GALNT6: variants seen among roughly 807,000 people sequenced by gnomAD.
The protein encoded by GALNT6 is polypeptide N-acetylgalactosaminyltransferase 6, also known as GalNAc transferase 6.
A neutral mutation model predicts 65.9 loss-of-function variants in GALNT6; 51 were observed. The ratio of observed to expected loss-of-function variants is 0.77; its 90% CI spans 0.62 to 0.98. The LOEUF (loss-of-function observed/expected upper bound fraction) is 0.98, where lower values mean the gene tolerates loss of function less well. Among genes scored for constraint, GALNT6 ranks in the 50% least tolerant of loss-of-function variants. GALNT6 has a pLI of 0.00. For synonymous variants in GALNT6, 323 were observed against 315.1 expected (o/e 1.02, Z -0.26); for missense variants, 708 against 803.3 (o/e 0.88, Z 1.43).
chr12:51,372,977 T>C (rs991171972), intron 4 of GALNT6, among the ~76,000 whole-genome samples: 1 of 152,230 alleles, frequency 6.6e-6, no homozygotes, highest in Non-Finnish European at 1.5e-5. Flanking sequence ...AGCCCCTCTG[T>C]TTTGGCTAAT....
In GALNT6 at chr12:51,365,558, T is replaced by G; in HGVS notation, c.686A>C (p.Glu229Ala). The G allele has an allele frequency of 6.2e-7, 1 of 1,613,714 alleles. No individual in the cohort carries two copies. ...CACCTGCAGCTGCTTCACGTACTGCTCCAGCTTCTCCTTTAGGTGCTCTGG... is the reference window on the plus strand; with the variant it reads ...CACCTGCAGCTGCTTCACGTACTGCGCCAGCTTCTCCTTTAGGTGCTCTGG... ...STEEHLKEKL[E>A]QYVKQLQVVR... is the part of the protein sequence containing the mutation. Residue 229 changes from glutamate to alanine, a missense_variant, in exon 5 of 12, where the codon GAG becomes GCG. Transcript: ENST00000356317.
intron 2 of GALNT6, among the ~76,000 whole-genome samples, chr12:51,390,089 T>C (rs960864887): frequency 2.0e-5 from 3 of 152,002 alleles, no homozygotes; most frequent in African/African-American, 7.2e-5. Context: ...GCTAGGGAAA[T>C]GCCTGCAATG....
chr12:51,354,752 T>G (rs1363926822), intron 11 of GALNT6, among the ~76,000 whole-genome samples: 1 of 151,908 alleles, frequency 6.6e-6, no homozygotes, highest in African/African-American at 2.4e-5. Flanking sequence ...GAGAGAAAAA[T>G]GCTTTCAGGG....
At chr12:51,380,803 A>G (rs1478772727) in intron 2 of GALNT6, among the ~76,000 whole-genome samples, 19 of 152,234 alleles carry the variant, frequency 1.2e-4, no homozygotes, top group Admixed American at 1.0e-3. Flanking sequence ...CACGAAAAAA[A>G]GAAAGCTAAA....
At chr12:51,373,898 T>G (rs1947368538) in intron 4 of GALNT6, among the ~76,000 whole-genome samples, 1 of 152,214 alleles carries the variant, frequency 6.6e-6, no homozygotes, top group Non-Finnish European at 1.5e-5. Context: ...CTCACTCTAT[T>G]GCCTAGGCTG....
At chr12:51,375,261 T>C (rs911035361) in intron 4 of GALNT6, among the ~76,000 whole-genome samples, 7 of 152,202 alleles carry the variant, frequency 4.6e-5, no homozygotes, top group African/African-American at 1.7e-4. Flanking sequence ...TTCATGTCTT[T>C]AGGACTGTGC....
At chr12:51,377,948 C>G (rs895224038) in intron 3 of GALNT6, among the ~76,000 whole-genome samples, 2 of 152,232 alleles carry the variant, frequency 1.3e-5, no homozygotes, top group African/African-American at 2.4e-5. Flanking sequence ...TCCACTCCAG[C>G]TACTCTGTGG....
At chr12:51,376,633 CAA>C (rs35109462) in intron 4 of GALNT6, among the ~76,000 whole-genome samples, 235 of 83,958 alleles carry the variant, frequency 2.8e-3, no homozygotes, top group Middle Eastern at 0.011. Context: ...AACTCCATCT[CAA>C]AAAAAAAAAA....
In GALNT6 at chr12:51,382,933, T is replaced by C. The variant is rs771999050; in HGVS notation, c.-103-3049A>G. Among the ~76,000 whole-genome samples the C allele has an allele frequency of 5.3e-5, 8 of 152,110 alleles. No individual in the cohort carries two copies. The South Asian group carries it at 6.2e-4, about 12-fold the overall frequency. On this transcript the variant is annotated intron_variant, in intron 2 of 11. Coordinates refer to ENST00000356317, the MANE Select transcript of GALNT6 (RefSeq NM_007210.4). ...TTCCCCAAGGGATTTGAAAATCTTA[T>C]TGGAGAACGAGAACTGATAGCACTG...
rs768634031 is a variant in GALNT6 at position 51,359,224 on chromosome 12, G to A, written c.1276C>T (p.Arg426Cys). The A allele has an allele frequency of 7.4e-6, 12 of 1,613,988 alleles. No homozygotes were observed. The highest frequency in any genetic ancestry group is 2.2e-5 in the South Asian group (2 of 91,082). ...TFPKGTSVIA[R>C]NQVRLAEVWM... The stretch of plus-strand genomic sequence containing the variant: ...ACCTCTGCCAGGCGCACTTGATTGC[G>A]AGCAATGACACTAGTGCCCTTGGGG... Residue 426 changes from arginine to cysteine, a missense_variant, in exon 8 of 12, where the codon CGC (arginine) becomes TGC (cysteine). Arg to Cys is a radical substitution (Grantham distance 180, BLOSUM62 -3). Coordinates refer to ENST00000356317, the MANE Select transcript of GALNT6 (RefSeq NM_007210.4).
intron 4 of GALNT6, among the ~76,000 whole-genome samples, chr12:51,373,320 G>A (rs1479856689): frequency 6.6e-6 from 1 of 152,150 alleles, no homozygotes; most frequent in East Asian, 1.9e-4. Context: ...GGGACCCAGT[G>A]GGAGATAATT....
chr12:51,358,300 A>ATT, intron 8 of GALNT6, 39 bp from the exon 9 acceptor site: 3 of 1,510,800 alleles, frequency 2.0e-6, no homozygotes, highest in Non-Finnish European at 2.7e-6. Context: ...CAGTTCCACC[A>ATT]GTTTTTTTTT....
At chr12:51,355,287 A>C (rs1296557861) in intron 11 of GALNT6, among the ~76,000 whole-genome samples, 2 of 152,110 alleles carry the variant, frequency 1.3e-5, no homozygotes, top group African/African-American at 4.8e-5. Context: ...GCTAGCCACG[A>C]ACCATAACCT....
intron 3 of GALNT6, among the ~76,000 whole-genome samples, chr12:51,378,196 T>C (rs1947525376): frequency 6.6e-6 from 1 of 152,072 alleles, no homozygotes; most frequent in Non-Finnish European, 1.5e-5. Context: ...GCTCTGTCAC[T>C]CAGGCTGGAG....
In GALNT6 at chr12:51,353,364, CTTTTT is replaced by C. The variant is rs56716510; in HGVS notation, c.*1010_*1014del. On this transcript the variant is annotated 3_prime_UTR_variant, in exon 12 of 12. Transcript: ENST00000356317. Reference sequence around the variant, plus strand: ...CCTCTGATCTGTCTGTTAGAATATACTTTTTTTTTTTTTTTTTTTCCTGAGATGGA... The same window carrying C: ...CCTCTGATCTGTCTGTTAGAATATACTTTTTTTTTTTTTTCCTGAGATGGA... The C allele has an allele frequency of 7.2e-5, 10 of 139,504 alleles. No homozygotes were observed. The highest frequency in any genetic ancestry group is 2.3e-4 in the South Asian group (1 of 4,414). The allele number at this position is 139,504 out of a possible 1,614,324, so 8.6% of individuals were successfully genotyped here.
intron 4 of GALNT6, among the ~76,000 whole-genome samples, chr12:51,375,357 C>A (rs1213635020): frequency 6.6e-6 from 1 of 152,180 alleles, no homozygotes; most frequent in Non-Finnish European, 1.5e-5. Flanking sequence ...AATCTGGCTT[C>A]CACTGCAGAC....
chr12:51,365,510 T>C lies in GALNT6; in HGVS notation c.734A>G (p.Glu245Gly), dbSNP rs780770732. The C allele has an allele frequency of 1.2e-6, 2 of 1,612,662 alleles. No homozygotes were observed. The highest frequency in any genetic ancestry group is 4.5e-5 in the East Asian group (2 of 44,870). Residue 245 changes from glutamate (E) to glycine (G), a missense_variant, in exon 5 of 12, where the codon GAG becomes GGG. Physicochemically the swap from Glu to Gly is moderately conservative, Grantham distance 98. Coordinates refer to ENST00000356317, the MANE Select transcript of GALNT6 (RefSeq NM_007210.4). ...CCGGGCGGTGATCAGCCCCTTCCGCTCCTCCTGCCGCACCACCCTCACCAC... is the reference window on the plus strand; with the variant it reads ...CCGGGCGGTGATCAGCCCCTTCCGCCCCTCCTGCCGCACCACCCTCACCAC... ...LQVVRVVRQE[E>G]RKGLITARLL...
At chr12:51,365,376 T>C in intron 5 of GALNT6, 54 bp downstream of exon 5, 1 of 1,536,992 alleles carries the variant, frequency 6.5e-7, no homozygotes, top group Non-Finnish European at 8.9e-7. Context: ...CCTGGCTCAT[T>C]CTAGCAGGGA....
intron 4 of GALNT6, among the ~76,000 whole-genome samples, chr12:51,374,541 TG>T (rs1947391609): frequency 6.6e-6 from 1 of 152,074 alleles, no homozygotes; most frequent in Non-Finnish European, 1.5e-5. Context: ...GGAGGGAGGC[TG>T]GGGGAGGACA....
Sources: allele counts gnomAD v4.1 joint callset (sites outside exome capture counted in the v4.1 genomes callset), GRCh38; gene constraint gnomAD v4.1.1; transcripts MANE v1.5; gene names NCBI Gene and HGNC (gene_info 2026-07-23, HGNC 2026-07-21).